RASEF: variants seen among roughly 807,000 people sequenced by gnomAD.
The protein encoded by RASEF is ras and EF-hand domain-containing protein.
A neutral mutation model predicts 90.1 loss-of-function variants in RASEF; 68 were observed. That is an observed-to-expected ratio of 0.75 (90% CI 0.62 to 0.92). RASEF has a LOEUF of 0.92. Among genes scored for constraint, RASEF ranks in the 40% least tolerant of loss-of-function variants. The pLI, the probability that RASEF is intolerant of heterozygous loss-of-function variation, is 0.00. For synonymous variants in RASEF, 331 were observed against 345.2 expected (o/e 0.96, Z 0.46); for missense variants, 949 against 937.2 (o/e 1.01, Z -0.16).
intron 1 of RASEF, among the ~76,000 whole-genome samples, chr9:83,035,442 A>T (rs761631752): frequency 6.6e-6 from 1 of 152,190 alleles, no homozygotes; most frequent in Non-Finnish European, 1.5e-5. Context: ...TCACCCTTCC[A>T]CACTCAGATG....
At chr9:83,096,474 G>C in the RASEF span, among the ~76,000 whole-genome samples, 7 of 152,104 alleles carry the variant, frequency 4.6e-5, no homozygotes, top group Admixed American at 4.6e-4. Context: ...AAAAGCACCT[G>C]AGGGCTCGCA....
chr9:83,118,997 C>A, the RASEF span, among the ~76,000 whole-genome samples: 2 of 140,296 alleles, frequency 1.4e-5, no homozygotes, highest in East Asian at 4.7e-4. Context: ...TCAATTTTTT[C>A]TTTTTCTTTT....
intron 12 of RASEF, 24 bp from the exon 13 acceptor site, chr9:82,998,470 G>T: frequency 7.0e-7 from 1 of 1,431,336 alleles, no homozygotes; most frequent in South Asian, 1.1e-5. Context: ...TGAGAGTGGA[G>T]AGCACGATGT....
the RASEF span, among the ~76,000 whole-genome samples, chr9:83,101,498 G>T: frequency 1.3e-5 from 2 of 152,252 alleles, no homozygotes; most frequent in African/African-American, 4.8e-5. Flanking sequence ...AAAGTTACTT[G>T]AACAATATTT....
At chr9:83,192,702 C>T in the RASEF span, among the ~76,000 whole-genome samples, 2 of 147,142 alleles carry the variant, frequency 1.4e-5, no homozygotes, top group African/African-American at 2.5e-5. Context: ...ACCCCTGAAC[C>T]TAAAATAATA....
At chr9:83,126,677 G>T in the RASEF span, among the ~76,000 whole-genome samples, 82 of 152,238 alleles carry the variant, frequency 5.4e-4, 1 homozygote, top group Admixed American at 8.5e-4. Context: ...GCTACCTACT[G>T]CCCTGGATGG....
the RASEF span, among the ~76,000 whole-genome samples, chr9:83,170,479 A>T: frequency 6.6e-6 from 1 of 151,934 alleles, no homozygotes. Context: ...GTATTTTGGA[A>T]AAGATTTCAT....
chr9:83,023,396 T>C (rs995002328), intron 2 of RASEF, among the ~76,000 whole-genome samples: 1 of 152,200 alleles, frequency 6.6e-6, no homozygotes, highest in African/African-American at 2.4e-5. Context: ...TATTAATAAA[T>C]GACAGGGCTT....
At chr9:83,104,250 CT>C in the RASEF span, among the ~76,000 whole-genome samples, 1 of 152,030 alleles carries the variant, frequency 6.6e-6, no homozygotes, top group Non-Finnish European at 1.5e-5. Context: ...AAATGACCAG[CT>C]TTTTGCTTGA....
At chr9:83,184,822 G>GAAA in the RASEF span, among the ~76,000 whole-genome samples, 3 of 150,374 alleles carry the variant, frequency 2.0e-5, no homozygotes, top group African/African-American at 4.9e-5. Flanking sequence ...AATAAGAATT[G>GAAA]AAAAAAAAAA....
intron 1 of RASEF, among the ~76,000 whole-genome samples, chr9:83,047,091 T>A (rs1328098630): frequency 6.6e-6 from 1 of 152,078 alleles, no homozygotes; most frequent in African/African-American, 2.4e-5. Flanking sequence ...ATTTTAAAAA[T>A]TGAAATTGAA....
chr9:83,151,408 G>A, the RASEF span, among the ~76,000 whole-genome samples: 1 of 152,106 alleles, frequency 6.6e-6, no homozygotes, highest in Non-Finnish European at 1.5e-5. Context: ...AACGGGCTGT[G>A]TTAGCCCCCA....
At chr9:83,120,037 A>T in the RASEF span, among the ~76,000 whole-genome samples, 1 of 152,234 alleles carries the variant, frequency 6.6e-6, no homozygotes, top group Admixed American at 6.5e-5. Context: ...TGAAGGGAAA[A>T]TCCACAGTGA....
At chr9:83,012,979 G>A (rs1829275778) in intron 4 of RASEF, among the ~76,000 whole-genome samples, 1 of 152,206 alleles carries the variant, frequency 6.6e-6, no homozygotes, top group Non-Finnish European at 1.5e-5. Context: ...TTCATGGTGA[G>A]TTTAAGAAAT....
intron 1 of RASEF, chr9:83,055,240 T>C (rs1830080996): frequency 3.3e-6 from 1 of 302,136 alleles, no homozygotes; most frequent in African/African-American, 2.3e-5. Flanking sequence ...TGGGATATAG[T>C]CTTGTGGTGC....
At chr9:83,114,951 T>A in the RASEF span, among the ~76,000 whole-genome samples, 1 of 152,192 alleles carries the variant, frequency 6.6e-6, no homozygotes, top group Non-Finnish European at 1.5e-5. Flanking sequence ...ATCCTATTCA[T>A]ACACTCCCTC....
chr9:83,056,927 C>T (rs1194628864), intron 1 of RASEF, among the ~76,000 whole-genome samples: 1 of 152,126 alleles, frequency 6.6e-6, no homozygotes, highest in Non-Finnish European at 1.5e-5. Context: ...ACACTGAGAG[C>T]CTTCTAAGGA....
chr9:83,180,902 T>C, the RASEF span, among the ~76,000 whole-genome samples: 279 of 152,078 alleles, frequency 1.8e-3, 7 homozygotes, highest in East Asian at 0.046. Context: ...AATTAAAGTA[T>C]GCAGATCTCA....
At chr9:83,010,528 C>T (rs1829220789) in intron 5 of RASEF, among the ~76,000 whole-genome samples, 1 of 152,098 alleles carries the variant, frequency 6.6e-6, no homozygotes, top group Non-Finnish European at 1.5e-5. Flanking sequence ...AGACAAGTGA[C>T]CGGGCCGAAC....
Sources: allele counts gnomAD v4.1 joint callset (sites outside exome capture counted in the v4.1 genomes callset), GRCh38; gene constraint gnomAD v4.1.1; transcripts MANE v1.5; gene names NCBI Gene and HGNC (gene_info 2026-07-23, HGNC 2026-07-21).